Variants in PPP1R1C observed in about 807,000 individuals in gnomAD.
The protein encoded by PPP1R1C is protein phosphatase 1 regulatory subunit 1C.
A neutral mutation model predicts 17.4 loss-of-function variants in PPP1R1C; 15 were observed. That is an observed-to-expected ratio of 0.86 (90% CI 0.58 to 1.33). The LOEUF (loss-of-function observed/expected upper bound fraction) is 1.33. Among genes scored for constraint, PPP1R1C ranks in the 40% most tolerant of loss-of-function variants. PPP1R1C has a pLI of 0.00. For missense variants in PPP1R1C, 143 were observed against 130.0 expected, an observed-to-expected ratio of 1.10 and a Z score of -0.48; for synonymous variants, 35 against 43.1, an observed-to-expected ratio of 0.81 and a Z score of 0.73.
At chr2:182,036,104 C>T (rs891728789) in intron 2 of PPP1R1C, among the ~76,000 whole-genome samples, 1 of 152,126 alleles carries the variant, frequency 6.6e-6, no homozygotes, top group Admixed American at 6.5e-5. Flanking sequence ...AGTTAGAAGG[C>T]TGAAACTACA....
chr2:182,027,338 G>A (rs1377304628), intron 2 of PPP1R1C, among the ~76,000 whole-genome samples: 1 of 144,324 alleles, frequency 6.9e-6, no homozygotes, highest in Non-Finnish European at 1.5e-5. Flanking sequence ...TATGATATTG[G>A]CTGTGGGTCT....
chr2:181,959,280 T>C (rs1684725209), intron 1 of PPP1R1C, among the ~76,000 whole-genome samples: 2 of 152,232 alleles, frequency 1.3e-5, no homozygotes, highest in South Asian at 2.1e-4. Context: ...ATGCCAATAT[T>C]AGTAAATAAC....
At chr2:182,124,314 GTTTTTTTTTTTT>G (rs1689813753) in intron 5 of PPP1R1C, among the ~76,000 whole-genome samples, 64 of 42,074 alleles carry the variant, frequency 1.5e-3, no homozygotes, top group African/African-American at 4.1e-3. Context: ...GTTTTTTTTT[GTTTTTTTTTTTT>G]GTTTTTTTTT....
intron 1 of PPP1R1C, among the ~76,000 whole-genome samples, chr2:181,974,162 G>A (rs927185709): frequency 6.6e-6 from 1 of 152,126 alleles, no homozygotes; most frequent in Admixed American, 6.6e-5. Flanking sequence ...ATTAAGGAAA[G>A]AGAAATGGAA....
At chr2:182,102,599 C>CATGGACACAAGTTCAGGATACTT (rs1251332278) in intron 4 of PPP1R1C, among the ~76,000 whole-genome samples, 47 of 152,132 alleles carry the variant, frequency 3.1e-4, no homozygotes, top group Non-Finnish European at 5.7e-4. Flanking sequence ...TGTGATAAGT[C>CATGGACACAAGTTCAGGATACTT]ATGGACACAA....
chr2:182,009,646 T>C (rs1435396055), intron 2 of PPP1R1C, among the ~76,000 whole-genome samples: 2 of 152,116 alleles, frequency 1.3e-5, no homozygotes, highest in East Asian at 3.8e-4. Flanking sequence ...ATTCTATTTG[T>C]CCATTTTTGC....
intron 4 of PPP1R1C, among the ~76,000 whole-genome samples, chr2:182,065,211 G>T (rs1014866504): frequency 2.0e-5 from 3 of 152,008 alleles, no homozygotes; most frequent in Middle Eastern, 3.4e-3. Context: ...GCTTGAGAAA[G>T]CACAGTAATT....
At chr2:182,088,272 A>T (rs1391710038) in intron 4 of PPP1R1C, among the ~76,000 whole-genome samples, 2 of 152,210 alleles carry the variant, frequency 1.3e-5, no homozygotes, top group African/African-American at 4.8e-5. Context: ...CAAATCTTAT[A>T]ACAATTCTCC....
chr2:182,066,120 G>A (rs560945174), intron 4 of PPP1R1C, among the ~76,000 whole-genome samples: 1 of 152,142 alleles, frequency 6.6e-6, no homozygotes, highest in South Asian at 2.1e-4. Context: ...GCTTTTTGTG[G>A]CAGCATTACA....
chr2:181,977,986 G>A (rs1685123848), intron 2 of PPP1R1C, among the ~76,000 whole-genome samples: 1 of 152,182 alleles, frequency 6.6e-6, no homozygotes, highest in Admixed American at 6.5e-5. Context: ...AGACTGGGTG[G>A]TTTATAAAGC....
At chr2:181,956,916 TTTTG>T (rs1210241687) in intron 1 of PPP1R1C, among the ~76,000 whole-genome samples, 3 of 152,242 alleles carry the variant, frequency 2.0e-5, no homozygotes, top group Non-Finnish European at 4.4e-5. Flanking sequence ...TGTTACATAA[TTTTG>T]TTTGTTGAGT....
At chr2:182,124,865 T>G (rs747740552) in intron 5 of PPP1R1C, among the ~76,000 whole-genome samples, 2 of 152,190 alleles carry the variant, frequency 1.3e-5, no homozygotes, top group African/African-American at 2.4e-5. Flanking sequence ...ACTTCCCCTC[T>G]TCCTATTTTA....
chr2:181,987,801 A>G, intron 1 of PPP1R1C, 38 bp from the exon 2 acceptor site: 3 of 1,604,526 alleles, frequency 1.9e-6, no homozygotes, highest in Non-Finnish European at 2.6e-6. Flanking sequence ...GCAGTGTCTA[A>G]TACTCACTGA....
intron 2 of PPP1R1C, among the ~76,000 whole-genome samples, chr2:182,038,920 AT>A (rs1279235586): frequency 6.6e-6 from 1 of 152,126 alleles, no homozygotes; most frequent in East Asian, 1.9e-4. Context: ...TTGTTATTTC[AT>A]TTTTTTATGA....
At position 181,976,988 on chromosome 2, in the gene PPP1R1C, A is replaced by G. The variant is rs1305538170; in HGVS notation, n.157+1724A>G. The stretch of plus-strand genomic sequence containing the variant: ...CCCTGTCTCTACTAAAAATACAAAA[A>G]TTAGCTTGGCATGGTGACACATGCC... On this transcript the variant is annotated intron_variant and non_coding_transcript_variant, in intron 2 of 5. Coordinates refer to the PPP1R1C transcript ENST00000464264. This position sits in a 1 kb window ranked among gnomAD's most constrained non-coding sequence, Gnocchi z 4.8. Among the ~76,000 whole-genome samples the G allele has an allele frequency of 6.6e-6, 1 of 151,908 alleles. No individual in the cohort carries two copies. The highest frequency in any genetic ancestry group is 1.5e-5 in the Non-Finnish European group (1 of 67,968).
intron 2 of PPP1R1C, among the ~76,000 whole-genome samples, chr2:181,995,007 C>A (rs1153744): frequency 0.77 from 117,314 of 152,056 alleles, 45,532 homozygotes; most frequent in East Asian, 1. Flanking sequence ...AATCCTTCAA[C>A]CTTTTTTTGG....
Position 181,985,853 on chromosome 2 carries a change from A to G in PPP1R1C, c.-258A>G. 1.9e-6 allele frequency: 1 copy of G among 535,842 alleles called. No homozygotes were observed. Among genetic ancestry groups the G allele is most frequent in the Non-Finnish European group, 3.3e-6 (1 of 299,406 alleles). 33.2% of individuals were successfully genotyped at this position (535,842 alleles called of 1,614,324 possible). A position where few individuals can be genotyped will look rare whatever the true frequency, so the allele number is the denominator to read the frequency against. On this transcript the variant is annotated 5_prime_UTR_variant, in exon 1 of 5. Transcript: ENST00000682840. This position sits in a 1 kb window ranked among gnomAD's most constrained non-coding sequence, Gnocchi z 4.1. ...TAGTGAAGAGGCACACAATTAGCGT[A>G]TTGTTCCTTTCTGTATTGTGCTGAG...
intron 2 of PPP1R1C, among the ~76,000 whole-genome samples, chr2:182,031,464 T>A (rs1293511800): frequency 6.6e-6 from 1 of 152,210 alleles, no homozygotes; most frequent in Non-Finnish European, 1.5e-5. Flanking sequence ...AGTAAAAAAA[T>A]TTAAATCATT....
intron 2 of PPP1R1C, among the ~76,000 whole-genome samples, chr2:182,019,587 G>T (rs897110911): frequency 1.3e-5 from 2 of 152,178 alleles, no homozygotes; most frequent in Admixed American, 1.3e-4. Context: ...CAGAGAATGG[G>T]TAAGTGTCTC....
Sources: allele counts gnomAD v4.1 joint callset (sites outside exome capture counted in the v4.1 genomes callset), GRCh38; gene constraint gnomAD v4.1.1; non-coding constraint Gnocchi (gnomAD v3.1); transcripts MANE v1.5; gene names NCBI Gene and HGNC (gene_info 2026-07-23, HGNC 2026-07-21).